The following PARVB variants were observed in gnomAD, a reference collection of about 807,000 sequenced individuals.
PARVB encodes beta-parvin.
Under a neutral mutation model 47.0 loss-of-function variants are expected in PARVB, and 46 were observed. That is an observed-to-expected ratio of 0.98 (90% CI 0.77 to 1.25). PARVB has a LOEUF of 1.25. Ranked by LOEUF, PARVB falls within the 50% of genes most tolerant of loss-of-function variation. The probability of loss-of-function intolerance (pLI) is 0.00; values close to 1 mark genes in which losing one functional copy is unlikely to be tolerated. For synonymous variants in PARVB, 196 were observed against 196.3 expected (o/e 1.00, Z 0.01); for missense variants, 473 against 471.6 (o/e 1.00, Z -0.03).
In PARVB at chr22:44,031,586, G is replaced by A. The variant is rs190731450; in HGVS notation, c.112+7135G>A. 4 of 152,026 alleles carry A rather than the reference G, an allele frequency of 2.6e-5. No homozygotes were observed. In the East Asian group the frequency reaches 5.8e-4, roughly 22 times the overall value. 9.4% of individuals were successfully genotyped at this position (152,026 alleles called of 1,614,324 possible). A position where few individuals can be genotyped will look rare whatever the true frequency, so the allele number is the denominator to read the frequency against. On this transcript the variant is annotated intron_variant, in intron 1 of 12. Coordinates refer to ENST00000338758, the MANE Select transcript of PARVB (RefSeq NM_013327.5). ...GGGGAGGAAGGGCAGGTTCTCGGTGGTTCTCCTAGCACCTTGGTTACAAAC... is the reference window on the plus strand; with the variant it reads ...GGGGAGGAAGGGCAGGTTCTCGGTGATTCTCCTAGCACCTTGGTTACAAAC...
chr22:44,032,281 G>T lies in PARVB; in HGVS notation c.112+7830G>T, dbSNP rs1024029265. Among the ~76,000 whole-genome samples, 7 of 152,134 alleles carry T rather than the reference G, an allele frequency of 4.6e-5. No homozygotes were observed. The East Asian group carries it at 1.4e-3, about 29-fold the overall frequency. Reference sequence around the variant, plus strand: ...GTTTTGGCCTCGTCCAGTCTCTAGGGCTCCCAGCATCTGGGTAGTAACATG... The same window carrying T: ...GTTTTGGCCTCGTCCAGTCTCTAGGTCTCCCAGCATCTGGGTAGTAACATG... On this transcript the variant is annotated intron_variant, in intron 1 of 12. Coordinates refer to ENST00000338758, the MANE Select transcript of PARVB (RefSeq NM_013327.5).
intron 1 of PARVB, among the ~76,000 whole-genome samples, chr22:44,082,828 G>C (rs2147009143): frequency 6.6e-6 from 1 of 152,296 alleles, no homozygotes; most frequent in East Asian, 1.9e-4. Context: ...TCTGGGCCAA[G>C]GGAATCATCT....
At chr22:44,117,667 A>G (rs2052940588) in intron 3 of PARVB, among the ~76,000 whole-genome samples, 1 of 152,176 alleles carries the variant, frequency 6.6e-6, no homozygotes, top group Non-Finnish European at 1.5e-5. Flanking sequence ...GTTACTGGGA[A>G]AATAGAATGT....
At chr22:44,158,293 A>G (rs760418154) in intron 11 of PARVB, among the ~76,000 whole-genome samples, 1 of 152,244 alleles carries the variant, frequency 6.6e-6, no homozygotes, top group Admixed American at 6.5e-5. Context: ...TTTGTTTGCC[A>G]CATTTTCTTT....
chr22:44,058,582 TCTCA>T (rs1391161725), intron 1 of PARVB, among the ~76,000 whole-genome samples: 1 of 127,242 alleles, frequency 7.9e-6, no homozygotes, highest in Admixed American at 9.5e-5. Flanking sequence ...TGAGATGGAG[TCTCA>T]CTCTGTAGCC....
chr22:44,139,303 C>G (rs768147166), intron 7 of PARVB: 1 of 152,630 alleles, frequency 6.6e-6, no homozygotes, highest in Non-Finnish European at 1.5e-5. Context: ...CTCCCAGGCT[C>G]TAGCGATCCT....
intron 4 of PARVB, among the ~76,000 whole-genome samples, chr22:44,127,252 C>CTT (rs133910): frequency 1.1e-4 from 16 of 150,074 alleles, no homozygotes; most frequent in South Asian, 6.3e-4. Context: ...ATTAAAACCA[C>CTT]TTTTTTTTTT....
At chr22:44,032,245 A>T (rs2050838611) in intron 1 of PARVB, among the ~76,000 whole-genome samples, 1 of 152,166 alleles carries the variant, frequency 6.6e-6, no homozygotes, top group Non-Finnish European at 1.5e-5. Flanking sequence ...AAAAAAATGG[A>T]ATGAGCAGCA....
At chr22:44,119,212 C>T in intron 4 of PARVB, 72 bp downstream of exon 4, 1 of 1,036,606 alleles carries the variant, frequency 9.6e-7, no homozygotes. Context: ...GGCCAGGATT[C>T]TCTGCATAGT....
intron 1 of PARVB, among the ~76,000 whole-genome samples, chr22:44,053,304 G>T (rs184961929): frequency 6.6e-6 from 1 of 151,966 alleles, no homozygotes; most frequent in Non-Finnish European, 1.5e-5. Context: ...GGATGGTCTC[G>T]AACTCCTGCC....
intron 6 of PARVB, among the ~76,000 whole-genome samples, chr22:44,135,269 T>A (rs1601660271): frequency 6.6e-6 from 1 of 152,066 alleles, no homozygotes; most frequent in East Asian, 1.9e-4. Context: ...CATTACTTTT[T>A]TTTTTTTGAG....
In PARVB at chr22:44,164,799, C is replaced by T. The variant is rs140404018; in HGVS notation, c.1018+869C>T. Among the ~76,000 whole-genome samples, 134 of 152,244 alleles carry T rather than the reference C, an allele frequency of 8.8e-4. No homozygotes were observed. In the Middle Eastern group the frequency reaches 0.01, roughly 12 times the overall value. ...GCTTCCTACACCTGTTGCCAGCATCCGCTCAACGGCGGGCTTTGTAGAGTC... is the reference window on the plus strand; with the variant it reads ...GCTTCCTACACCTGTTGCCAGCATCTGCTCAACGGCGGGCTTTGTAGAGTC... On this transcript the variant is annotated intron_variant, in intron 12 of 12. Coordinates refer to ENST00000338758, the MANE Select transcript of PARVB (RefSeq NM_013327.5).
At chr22:44,035,144 A>C (rs553789703) in intron 1 of PARVB, among the ~76,000 whole-genome samples, 2 of 152,328 alleles carry the variant, frequency 1.3e-5, no homozygotes, top group Admixed American at 1.3e-4. Flanking sequence ...TCTTACTACA[A>C]AGTGAGCCTG....
chr22:44,031,665 G>A lies in PARVB; in HGVS notation c.112+7214G>A, dbSNP rs149321413. 2.5e-3 allele frequency among the ~76,000 whole-genome samples: 385 copies of A among 152,070 alleles called. 2 individuals carry two copies. Among genetic ancestry groups the A allele is most frequent in the African/African-American group, 8.9e-3 (368 of 41,496 alleles). ...ACCCCACACTCATCAAAGGGACTCT[G>A]CCTTGATTCCCTCCCCACCGCTGTG... On this transcript the variant is annotated intron_variant, in intron 1 of 12. Transcript: ENST00000338758.
At chr22:44,116,789 G>A (rs1203306035) in intron 3 of PARVB, among the ~76,000 whole-genome samples, 1 of 152,166 alleles carries the variant, frequency 6.6e-6, no homozygotes, top group South Asian at 2.1e-4. Context: ...TCTGGAGGAG[G>A]AAGTGCTGCT....
chr22:44,019,699 G>A (rs577443088), upstream of PARVB, among the ~76,000 whole-genome samples: 1 of 152,300 alleles, frequency 6.6e-6, no homozygotes, highest in African/African-American at 2.4e-5. Context: ...AAGTGCGGGG[G>A]ACGGCCAGCT....
chr22:44,152,154 T>G (rs1034693536), intron 10 of PARVB: 2 of 150,660 alleles, frequency 1.3e-5, no homozygotes, highest in Non-Finnish European at 3.0e-5. Context: ...TTTCTTTCTT[T>G]TTTTTTTTTT....
chr22:44,100,712 T>A (rs1253566265), intron 3 of PARVB, among the ~76,000 whole-genome samples: 1 of 152,180 alleles, frequency 6.6e-6, no homozygotes, highest in Non-Finnish European at 1.5e-5. Flanking sequence ...TTCTCCAGCG[T>A]GGCTCCTGCT....
intron 6 of PARVB, among the ~76,000 whole-genome samples, chr22:44,136,219 C>T (rs544388913): frequency 7.0e-4 from 106 of 152,236 alleles, no homozygotes; most frequent in African/African-American, 2.4e-3. Context: ...CTCAAGGCCA[C>T]GTGGAGACCA....
Sources: gnomAD v4.1 joint callset for allele counts (sites outside exome capture counted in the v4.1 genomes callset) on GRCh38, gnomAD v4.1.1 for gene constraint, MANE v1.5 for transcripts, NCBI Gene and HGNC (gene_info 2026-07-23, HGNC 2026-07-21) for gene names.